ATP8B2: variants seen among roughly 807,000 people sequenced by gnomAD.
ATP8B2 encodes phospholipid-transporting ATPase ID.
Under a neutral mutation model 133.4 loss-of-function variants are expected in ATP8B2, and 70 were observed. The observed-to-expected ratio is 0.52, with a 90% CI of 0.43 to 0.64. The LOEUF (loss-of-function observed/expected upper bound fraction) is 0.64, where lower values mean the gene tolerates loss of function less well. Among genes scored for constraint, ATP8B2 ranks in the 30% least tolerant of loss-of-function variants. The probability of loss-of-function intolerance (pLI) is 0.00; values close to 1 mark genes in which losing one functional copy is unlikely to be tolerated. For missense variants in ATP8B2, 1,101 were observed against 1,535.7 expected (o/e 0.72, Z 4.73); for synonymous variants, 517 against 589.5 (o/e 0.88, Z 1.78).
rs186311303 is a variant in ATP8B2, at chr1:154,344,601, G to A, written c.2142-40G>A. On this transcript the variant is annotated intron_variant, in intron 20 of 27. Transcript: ENST00000368489. This position sits in a 1 kb window ranked among gnomAD's most constrained non-coding sequence, Gnocchi z 4.1. ...ACTTGAATCCCTGCTCCCCACTGCC[G>A]TTCTGGAAGACCACAACCGTATCAT... 9,020 of 1,607,452 alleles carry A rather than the reference G, an allele frequency of 5.6e-3. 44 individuals carry two copies. The highest frequency in any genetic ancestry group is 6.0e-3 in the Non-Finnish European group (7,021 of 1,174,510).
In ATP8B2 at chr1:154,343,936, A is replaced by G. The variant is rs149090132; in HGVS notation, c.1802A>G (p.Lys601Arg). Reference sequence around the variant, plus strand: ...CTGAGGACCCTGGTGCTGGCCTACAAGGATCTGGATGAAGAGTACTACGAG... The same window carrying G: ...CTGAGGACCCTGGTGCTGGCCTACAGGGATCTGGATGAAGAGTACTACGAG... ...EGLRTLVLAY[K>R]DLDEEYYEEW... Residue 601 changes from lysine to arginine, a missense_variant, in exon 18 of 28, where the codon AAG (lysine) becomes AGG (arginine). Physicochemically the swap from Lys to Arg is conservative, Grantham distance 26 (BLOSUM62 2). Transcript: ENST00000368489. The surrounding 1 kb of genome is among the most constrained non-coding windows in gnomAD (Gnocchi z 5.8). 4.5e-5 allele frequency: 72 copies of G among 1,613,864 alleles called. No individual in the cohort carries two copies. In the African/African-American group the frequency reaches 7.5e-4, roughly 17 times the overall value.
chr1:154,342,577 G>A (rs1172425010), intron 14 of ATP8B2, 54 bp downstream of exon 14: 1 of 1,559,098 alleles, frequency 6.4e-7, no homozygotes, highest in Non-Finnish European at 8.8e-7. Context: ...TGCCTGGCCA[G>A]TAACAGTGTA....
At chr1:154,336,597 C>T (rs541120547) in intron 11 of ATP8B2, among the ~76,000 whole-genome samples, 1 of 151,616 alleles carries the variant, frequency 6.6e-6, no homozygotes, top group South Asian at 2.1e-4. Context: ...ACGTGATTCT[C>T]CTGCCTCAGC....
In ATP8B2 at chr1:154,325,617, G is replaced by GGAGCC. The variant is rs1467572396; in HGVS notation, c.-113_-109dup. ...CAGCTGGGGGGGCGGGAGCCCGTGG[G>GGAGCC]GAGCCGAGCCGAGCGCCCCCCGCCC... On this transcript the variant is annotated 5_prime_UTR_variant, in exon 1 of 28. Transcript: ENST00000368489. 2.6e-5 allele frequency: 4 copies of GGAGCC among 151,882 alleles called. No individual in the cohort carries two copies. Among genetic ancestry groups the GGAGCC allele is most frequent in the Non-Finnish European group, 5.9e-5 (4 of 68,002 alleles). 9.4% of individuals were successfully genotyped at this position (151,882 alleles called of 1,614,324 possible).
rs550512545 is a variant in ATP8B2 at position 154,331,880 on chromosome 1, G to A, written c.439-74G>A. The stretch of plus-strand genomic sequence containing the variant: ...CTAAGCAAACCAAGAATGCTTAGTG[G>A]AAGGAGCCACCATTACAGCCCACTG... On this transcript the variant is annotated intron_variant, in intron 7 of 27. Coordinates refer to ENST00000368489, the MANE Select transcript of ATP8B2 (RefSeq NM_001370597.1). The surrounding 1 kb of genome is among the most constrained non-coding windows in gnomAD (Gnocchi z 4.8). 2.1e-3 allele frequency: 3,113 copies of A among 1,474,692 alleles called. 10 individuals carry two copies. Among genetic ancestry groups the A allele is most frequent in the Non-Finnish European group, 2.3e-3 (2,377 of 1,054,358 alleles). The allele number at this position is 1,474,692 out of a possible 1,614,324, so 91.4% of individuals were successfully genotyped here.
At chr1:154,348,717 C>T in intron 27 of ATP8B2, 123 bp from the exon 28 acceptor site, 1 of 1,385,092 alleles carries the variant, frequency 7.2e-7, no homozygotes, top group Middle Eastern at 2.1e-4. Flanking sequence ...TCAGCCTGGT[C>T]CCAGGTGCTG....
chr1:154,345,253 A>G lies in ATP8B2; in HGVS notation c.2471-69A>G. The G allele has an allele frequency of 6.2e-7, 1 of 1,603,630 alleles. No individual in the cohort carries two copies. Among genetic ancestry groups the G allele is most frequent in the South Asian group, 1.1e-5 (1 of 90,432 alleles). On this transcript the variant is annotated intron_variant, in intron 22 of 27. Transcript: ENST00000368489. This position sits in a 1 kb window ranked among gnomAD's most constrained non-coding sequence, Gnocchi z 5.6. Reference sequence around the variant, plus strand: ...AGAAGAATGACGGGAAGGGGGTTGTAACTTGGTAGGCTCTAAAGTGTGTGG... The same window carrying G: ...AGAAGAATGACGGGAAGGGGGTTGTGACTTGGTAGGCTCTAAAGTGTGTGG...
At position 154,334,026 on chromosome 1, in the gene ATP8B2, C is replaced by T; in HGVS notation, c.590-81C>T. On this transcript the variant is annotated intron_variant, in intron 9 of 27. Coordinates refer to ENST00000368489, the MANE Select transcript of ATP8B2 (RefSeq NM_001370597.1). This position sits in a 1 kb window ranked among gnomAD's most constrained non-coding sequence, Gnocchi z 4.6. ...TTGCCCTTGCATCCTCTTCGCTCAGCTCATTTTCTCTTTGTTTTATTGTCT... is the reference window on the plus strand; with the variant it reads ...TTGCCCTTGCATCCTCTTCGCTCAGTTCATTTTCTCTTTGTTTTATTGTCT... 2 of 1,532,772 alleles carry T rather than the reference C, an allele frequency of 1.3e-6. No individual in the cohort carries two copies. The highest frequency in any genetic ancestry group is 1.8e-6 in the Non-Finnish European group (2 of 1,120,976). 94.9% of individuals were successfully genotyped at this position (1,532,772 alleles called of 1,614,324 possible). A position where few individuals can be genotyped will look rare whatever the true frequency, so the allele number is the denominator to read the frequency against.
intron 1 of ATP8B2, among the ~76,000 whole-genome samples, chr1:154,327,450 C>T (rs1285988398): frequency 6.6e-6 from 1 of 152,084 alleles, no homozygotes; most frequent in Non-Finnish European, 1.5e-5. Context: ...GAGGGGCAAA[C>T]TCCCCACCAG....
At position 154,328,326 on chromosome 1, in the gene ATP8B2, A is replaced by C. The variant is rs960704091; in HGVS notation, c.31+154A>C. ...AGCTTGGGGGCAGCCTAGGAAACCGAATTCTTCCGCTTGATCCCAAAGCTG... is the reference window on the plus strand; with the variant it reads ...AGCTTGGGGGCAGCCTAGGAAACCGCATTCTTCCGCTTGATCCCAAAGCTG... On this transcript the variant is annotated intron_variant, in intron 2 of 27. Transcript: ENST00000368489. This position sits in a 1 kb window ranked among gnomAD's most constrained non-coding sequence, Gnocchi z 4.6. Among the ~76,000 whole-genome samples the C allele has an allele frequency of 2.0e-5, 3 of 152,084 alleles. No individual in the cohort carries two copies. Among genetic ancestry groups the C allele is most frequent in the Non-Finnish European group, 4.4e-5 (3 of 67,988 alleles).
rs1185005378 is a variant in ATP8B2 at position 154,346,414 on chromosome 1, G to A, written c.2962G>A (p.Ala988Thr). The change falls in exon 25 of 28, where the codon GCT (alanine) becomes ACT (threonine). Residue 988 changes from alanine (A) to threonine (T), a missense_variant. By Grantham distance (58) the Ala-to-Thr change is moderately conservative. Transcript: ENST00000368489. The surrounding 1 kb of genome is among the most constrained non-coding windows in gnomAD (Gnocchi z 4.5). ...DATRDDGTQL[A>T]DYQSFAVTVA... ...CACCCGGGATGATGGCACTCAGCTGGCTGACTACCAGTCCTTTGCAGTCAC... is the reference window on the plus strand; with the variant it reads ...CACCCGGGATGATGGCACTCAGCTGACTGACTACCAGTCCTTTGCAGTCAC... 2.5e-6 allele frequency: 4 copies of A among 1,614,172 alleles called. No individual in the cohort carries two copies. The highest frequency in any genetic ancestry group is 3.3e-4 in the Middle Eastern group (2 of 6,062).
Position 154,345,845 on chromosome 1 carries a change from A to G in ATP8B2, c.2740A>G (p.Thr914Ala). Residue 914 changes from threonine (T) to alanine (A), a missense_variant, in exon 24 of 28, where the codon ACC becomes GCC. Coordinates refer to ENST00000368489, the MANE Select transcript of ATP8B2 (RefSeq NM_001370597.1). The surrounding 1 kb of genome is among the most constrained non-coding windows in gnomAD (Gnocchi z 5.6). ...CATCACCCTGTATAACATCGTGTACACCTCCCTGCCAGTCCTGGCTATGGG... is the reference window on the plus strand; with the variant it reads ...CATCACCCTGTATAACATCGTGTACGCCTCCCTGCCAGTCCTGGCTATGGG... ...YFITLYNIVY[T>A]SLPVLAMGVF... 6.2e-7 allele frequency: 1 copy of G among 1,613,666 alleles called. No individual in the cohort carries two copies. The highest frequency in any genetic ancestry group is 8.5e-7 in the Non-Finnish European group (1 of 1,179,702).
In ATP8B2 at chr1:154,331,942, T is replaced by G. The variant is rs1294421241; in HGVS notation, c.439-12T>G. ...TTGCATATTTGGACTTCTCATTAGT[T>G]TTTCTCTCTAGGCGGATCTCCTCCT... On this transcript the variant is annotated splice_polypyrimidine_tract_variant and intron_variant, in intron 7 of 27. Coordinates refer to ENST00000368489, the MANE Select transcript of ATP8B2 (RefSeq NM_001370597.1). The surrounding 1 kb of genome is among the most constrained non-coding windows in gnomAD (Gnocchi z 4.8). The G allele has an allele frequency of 6.2e-7, 1 of 1,612,842 alleles. No homozygotes were observed. Among genetic ancestry groups the G allele is most frequent in the African/African-American group, 1.3e-5 (1 of 74,892 alleles).
Position 154,334,238 on chromosome 1 carries a change from T to G in ATP8B2, c.721T>G (p.Trp241Gly). ...LRGCVLRNTE[W>G]CFGLVIFAGP... ...GGGCTGTGTGCTGCGAAACACCGAG[T>G]GGTGCTTCGGGCTGGTCATCTTTGC... Residue 241 changes from tryptophan (W) to glycine (G), a missense_variant, in exon 10 of 28, where the codon TGG becomes GGG. Transcript: ENST00000368489. This position sits in a 1 kb window ranked among gnomAD's most constrained non-coding sequence, Gnocchi z 4.6. 5.0e-6 allele frequency: 8 copies of G among 1,613,974 alleles called. No homozygotes were observed. Among genetic ancestry groups the G allele is most frequent in the Non-Finnish European group, 4.2e-6 (5 of 1,179,994 alleles).
chr1:154,343,262 C>T lies in ATP8B2; in HGVS notation c.1603C>T (p.Leu535=). Reference sequence around the variant, plus strand: ...CATCACCTACCAGCTGCTGGCCATCCTGGACTTCAACAACATCCGCAAGCG... The same window carrying T: ...CATCACCTACCAGCTGCTGGCCATCTTGGACTTCAACAACATCCGCAAGCG... The part of the protein sequence containing the change: ...TAITYQLLAI[L]DFNNIRKRMS... Residue 535 remains leucine (L), a synonymous_variant, in exon 16 of 28, where the codon CTG becomes TTG. Transcript: ENST00000368489. This position sits in a 1 kb window ranked among gnomAD's most constrained non-coding sequence, Gnocchi z 5.8. The T allele has an allele frequency of 1.2e-6, 2 of 1,614,134 alleles. No individual in the cohort carries two copies. The highest frequency in any genetic ancestry group is 2.2e-5 in the East Asian group (1 of 44,878).
At position 154,348,415 on chromosome 1, in the gene ATP8B2, C is replaced by G. The variant is rs1331018662; in HGVS notation, c.3171C>G (p.Ala1057=). 3 of 1,607,880 alleles carry G rather than the reference C, an allele frequency of 1.9e-6. No individual in the cohort carries two copies. Among genetic ancestry groups the G allele is most frequent in the Non-Finnish European group, 2.6e-6 (3 of 1,175,146 alleles). ...ACTCCTCTTCATCCCCAGGGAATGCCCAGAACACCTTGGCCCAGCCCACGG... is the reference window on the plus strand; with the variant it reads ...ACTCCTCTTCATCCCCAGGGAATGCGCAGAACACCTTGGCCCAGCCCACGG... ...FPNQFRFVGN[A]QNTLAQPTVW... is the part of the protein sequence containing the mutation. The change falls in exon 27 of 28, where the codon GCC becomes GCG. Residue 1057 remains alanine, a synonymous_variant. Coordinates refer to ENST00000368489, the MANE Select transcript of ATP8B2 (RefSeq NM_001370597.1).
Position 154,348,878 on chromosome 1 carries a change from C to G in ATP8B2, c.3333C>G (p.Ala1111=). Reference sequence around the variant, plus strand: ...AGCTCGTGAGGAAGAAGCAGAAGGCCCAGCACCGCTGCATGCGGCGGGTTG... The same window carrying G: ...AGCTCGTGAGGAAGAAGCAGAAGGCGCAGCACCGCTGCATGCGGCGGGTTG... ...YTQLVRKKQK[A]QHRCMRRVGR... is the part of the protein sequence containing the mutation. The change falls in exon 28 of 28, where the codon GCC becomes GCG. Residue 1111 remains alanine, a synonymous_variant. Coordinates refer to ENST00000368489, the MANE Select transcript of ATP8B2 (RefSeq NM_001370597.1). 6.2e-7 allele frequency: 1 copy of G among 1,612,694 alleles called. No homozygotes were observed. Among genetic ancestry groups the G allele is most frequent in the Non-Finnish European group, 8.5e-7 (1 of 1,179,052 alleles).
chr1:154,345,055 C>G lies in ATP8B2; in HGVS notation c.2371C>G (p.Pro791Ala). The change falls in exon 22 of 28, where the codon CCC becomes GCC. Residue 791 changes from proline to alanine, a missense_variant. Coordinates refer to ENST00000368489, the MANE Select transcript of ATP8B2 (RefSeq NM_001370597.1). The surrounding 1 kb of genome is among the most constrained non-coding windows in gnomAD (Gnocchi z 5.6). ...AGCTGTCATCTGCTGCCGGGTGACC[C>G]CCTTGCAGAAGGCACAGGTGGTAGA... ...CKAVICCRVTPLQKAQVVELV... is the reference protein window; with the variant it reads ...CKAVICCRVTALQKAQVVELV... 6.2e-7 allele frequency: 1 copy of G among 1,614,150 alleles called. No homozygotes were observed. The highest frequency in any genetic ancestry group is 8.5e-7 in the Non-Finnish European group (1 of 1,180,048).
Position 154,346,163 on chromosome 1 carries a change from C to T in ATP8B2, c.2779-68C>T. The T allele has an allele frequency of 1.9e-6, 3 of 1,572,710 alleles. No homozygotes were observed. The highest frequency in any genetic ancestry group is 2.6e-6 in the Non-Finnish European group (3 of 1,156,360). On this transcript the variant is annotated intron_variant, in intron 24 of 27. Coordinates refer to ENST00000368489, the MANE Select transcript of ATP8B2 (RefSeq NM_001370597.1). This position sits in a 1 kb window ranked among gnomAD's most constrained non-coding sequence, Gnocchi z 4.5. ...GAGGCAGGGACAGAGTCAGAGTCTG[C>T]CCTTGGTCATCCAGGGTCAAAACGG...
Sources: allele counts gnomAD v4.1 joint callset (sites outside exome capture counted in the v4.1 genomes callset), GRCh38; gene constraint gnomAD v4.1.1; non-coding constraint Gnocchi (gnomAD v3.1); transcripts MANE v1.5; gene names NCBI Gene and HGNC (gene_info 2026-07-23, HGNC 2026-07-21).